ACTR3C: variants seen among roughly 807,000 people sequenced by gnomAD.
ACTR3C encodes the protein actin related protein 3C.
In ACTR3C, 18 loss-of-function variants were observed where a neutral mutation model predicts 26.3. That is an observed-to-expected ratio of 0.68 (90% CI 0.47 to 1.01). ACTR3C has a LOEUF of 1.01. Among genes scored for constraint, ACTR3C ranks in the 50% least tolerant of loss-of-function variants. The pLI is 0.00. For missense variants in ACTR3C, 184 were observed against 250.7 expected (o/e 0.73, Z 1.80); for synonymous variants, 55 against 94.5 (o/e 0.58, Z 2.42).
At chr7:150,006,226 T>TTA in the ACTR3C span, among the ~76,000 whole-genome samples, 1 of 92,412 alleles carries the variant, frequency 1.1e-5, no homozygotes, top group Admixed American at 1.2e-4. Flanking sequence ...AGAAGGAGTC[T>TTA]TACTCTGTCG....
intron 6 of ACTR3C, among the ~76,000 whole-genome samples, chr7:150,265,140 TAAGA>T (rs1196852976): frequency 2.0e-5 from 3 of 151,968 alleles, no homozygotes; most frequent in Non-Finnish European, 4.4e-5. Context: ...TTTCAGACAA[TAAGA>T]AAGAATTTGT....
At chr7:150,225,767 C>T in the ACTR3C span, among the ~76,000 whole-genome samples, 1 of 152,184 alleles carries the variant, frequency 6.6e-6, no homozygotes, top group African/African-American at 2.4e-5. Context: ...TTTAAATTTA[C>T]ATACATCAAG....
At chr7:149,953,054 G>A in the ACTR3C span, among the ~76,000 whole-genome samples, 1 of 150,640 alleles carries the variant, frequency 6.6e-6, no homozygotes, top group Non-Finnish European at 1.5e-5. Flanking sequence ...TATAATTGGA[G>A]ACTATCTAGT....
the ACTR3C span, among the ~76,000 whole-genome samples, chr7:150,211,501 G>A: frequency 6.6e-6 from 1 of 151,514 alleles, no homozygotes; most frequent in African/African-American, 2.4e-5. Flanking sequence ...AGCTCATCTT[G>A]AACTCGTGGA....
At chr7:150,112,274 G>A in the ACTR3C span, among the ~76,000 whole-genome samples, 1 of 152,170 alleles carries the variant, frequency 6.6e-6, no homozygotes, top group Non-Finnish European at 1.5e-5. Context: ...CTCAAAAAAG[G>A]GTGGATGAGG....
the ACTR3C span, among the ~76,000 whole-genome samples, chr7:149,946,617 G>A: frequency 1.3e-5 from 2 of 152,130 alleles, no homozygotes; most frequent in Non-Finnish European, 2.9e-5. Flanking sequence ...GAGGGCAAGT[G>A]GGGGGCCTTG....
the ACTR3C span, among the ~76,000 whole-genome samples, chr7:150,018,740 A>T: frequency 6.6e-6 from 1 of 150,380 alleles, no homozygotes; most frequent in Non-Finnish European, 1.5e-5. Context: ...GAGCTCTAAC[A>T]AGCCTAACCA....
the ACTR3C span, among the ~76,000 whole-genome samples, chr7:150,038,042 G>C: frequency 1.4e-5 from 2 of 141,442 alleles, no homozygotes; most frequent in African/African-American, 2.7e-5. Flanking sequence ...AGAGCCATGG[G>C]GGGAAGAGGG....
intron 5 of ACTR3C, among the ~76,000 whole-genome samples, chr7:150,285,788 C>A (rs2689589): frequency 6.6e-6 from 1 of 152,046 alleles, no homozygotes; most frequent in Non-Finnish European, 1.5e-5. Context: ...AATGTGCCTC[C>A]TAATTACTGC....
At chr7:149,957,150 G>A in the ACTR3C span, among the ~76,000 whole-genome samples, 1 of 152,114 alleles carries the variant, frequency 6.6e-6, no homozygotes, top group Non-Finnish European at 1.5e-5. Flanking sequence ...GCTGGAAGGT[G>A]GATGGTACAA....
chr7:150,208,407 C>T, the ACTR3C span, among the ~76,000 whole-genome samples: 9,141 of 152,154 alleles, frequency 0.06, 881 homozygotes, highest in African/African-American at 0.21. Flanking sequence ...CCTGGAAGGA[C>T]TGGAGGCAGT....
At chr7:150,034,087 C>G in the ACTR3C span, among the ~76,000 whole-genome samples, 4 of 151,610 alleles carry the variant, frequency 2.6e-5, no homozygotes. Flanking sequence ...TGCCTCCCAC[C>G]CCGCGATGCA....
chr7:150,242,933 G>T (rs1287036756), downstream of ACTR3C, among the ~76,000 whole-genome samples: 5 of 152,196 alleles, frequency 3.3e-5, no homozygotes, highest in African/African-American at 9.7e-5. Context: ...AATAATAAAA[G>T]AAAAGCTGTA....
intron 5 of ACTR3C, among the ~76,000 whole-genome samples, chr7:150,285,450 T>G (rs1835699591): frequency 6.6e-6 from 1 of 152,216 alleles, no homozygotes; most frequent in Admixed American, 6.5e-5. Context: ...TGAAATATTT[T>G]AAAAATCAAA....
At chr7:149,992,408 C>G in the ACTR3C span, among the ~76,000 whole-genome samples, 2 of 152,214 alleles carry the variant, frequency 1.3e-5, no homozygotes, top group Non-Finnish European at 2.9e-5. Flanking sequence ...GCCCATTAGT[C>G]CTCCCCAGCC....
chr7:150,093,380 C>A, the ACTR3C span, among the ~76,000 whole-genome samples: 2 of 151,232 alleles, frequency 1.3e-5, no homozygotes, highest in Non-Finnish European at 2.9e-5. Context: ...GTGAAAGGAA[C>A]AAATAACAAT....
At chr7:150,218,776 G>A in the ACTR3C span, among the ~76,000 whole-genome samples, 4 of 131,848 alleles carry the variant, frequency 3.0e-5, no homozygotes, top group African/African-American at 6.0e-5. Context: ...TAATACTGGA[G>A]CCAAAGACAT....
At chr7:149,898,457 A>T in the ACTR3C span, among the ~76,000 whole-genome samples, 3 of 152,178 alleles carry the variant, frequency 2.0e-5, no homozygotes, top group Non-Finnish European at 4.4e-5. Context: ...TGTAATCCCA[A>T]CACTGTGGGA....
At chr7:150,149,832 G>A in the ACTR3C span, among the ~76,000 whole-genome samples, 114 of 152,236 alleles carry the variant, frequency 7.5e-4, no homozygotes, top group African/African-American at 2.5e-3. Flanking sequence ...AAAGGTATTT[G>A]TTTATATATT....
Sources: allele counts gnomAD v4.1 joint callset (sites outside exome capture counted in the v4.1 genomes callset), GRCh38; gene constraint gnomAD v4.1.1; transcripts MANE v1.5; gene names NCBI Gene and HGNC (gene_info 2026-07-23, HGNC 2026-07-21).